Variants in PMVK observed in about 807,000 individuals in gnomAD.
PMVK encodes phosphomevalonate kinase.
A neutral mutation model predicts 19.0 loss-of-function variants in PMVK; 10 were observed. The ratio of observed to expected loss-of-function variants is 0.53; its 90% CI spans 0.32 to 0.89. The LOEUF (loss-of-function observed/expected upper bound fraction) is 0.89, where lower values mean the gene tolerates loss of function less well. Ranked by LOEUF, PMVK falls within the 40% of genes least tolerant of loss-of-function variation. The pLI is 0.03. For synonymous variants in PMVK, 108 were observed against 101.6 expected, an observed-to-expected ratio of 1.06 and a Z score of -0.38; for missense variants, 222 against 251.1, an observed-to-expected ratio of 0.88 and a Z score of 0.78.
rs1421443952 is a variant in PMVK at position 154,932,469 on chromosome 1, A to G, written c.96-54T>C. On this transcript the variant is annotated intron_variant, in intron 1 of 4. Coordinates refer to ENST00000368467, the MANE Select transcript of PMVK (RefSeq NM_006556.4). ...TAGCCTAGAATTTCCAGGAGCTTCC[A>G]TGTCCCAGAAAGGGAGTCAAGAGGC... is the stretch of plus-strand genomic sequence containing the variant. 15 of 1,332,196 alleles carry G rather than the reference A, an allele frequency of 1.1e-5. No individual in the cohort carries two copies. In the African/African-American group the frequency reaches 1.9e-4, roughly 17 times the overall value. The allele number at this position is 1,332,196 out of a possible 1,614,324, so 82.5% of individuals were successfully genotyped here. A position where few individuals can be genotyped will look rare whatever the true frequency, so the allele number is the denominator to read the frequency against.
At chr1:154,940,068 C>T (rs114272540), upstream of PMVK, among the ~76,000 whole-genome samples, 3,337 of 152,266 alleles carry the variant, frequency 0.022, 77 homozygotes, top group Non-Finnish European at 0.034. Context: ...TGAGCCACAG[C>T]GCCCAGCCAG....
At chr1:154,941,722 C>T in the PMVK span, among the ~76,000 whole-genome samples, 502 of 152,336 alleles carry the variant, frequency 3.3e-3, 2 homozygotes, top group Non-Finnish European at 5.3e-3. Flanking sequence ...AAGTGACCCA[C>T]TACCACCTAT....
rs761417670 is a variant in PMVK at position 154,926,339 on chromosome 1, CAT to C, written c.442+13_442+14del. 59 of 1,611,256 alleles carry C rather than the reference CAT, an allele frequency of 3.7e-5. No individual in the cohort carries two copies. The African/African-American group carries it at 7.5e-4, about 20-fold the overall frequency. On this transcript the variant is annotated intron_variant, in intron 4 of 4. Transcript: ENST00000368467. ...AGCCTGTGTCCTCCTGTGCCCTACA[CAT>C]AGAGTGGCTCACCTGGCGTGAACAC...
At chr1:154,939,762 C>A (rs1198141776), upstream of PMVK, among the ~76,000 whole-genome samples, 1 of 149,992 alleles carries the variant, frequency 6.7e-6, no homozygotes, top group Non-Finnish European at 1.5e-5. Context: ...ACAGCCATGG[C>A]TTGTTTCTTT....
chr1:154,930,636 C>T (rs570694590), intron 2 of PMVK, among the ~76,000 whole-genome samples: 12 of 150,554 alleles, frequency 8.0e-5, no homozygotes, highest in African/African-American at 2.9e-4. Context: ...TGCCTAGGCC[C>T]CACTAGGGAA....
At chr1:154,929,941 T>C (rs1305439684) in intron 2 of PMVK, among the ~76,000 whole-genome samples, 1 of 152,164 alleles carries the variant, frequency 6.6e-6, no homozygotes, top group Admixed American at 6.5e-5. Context: ...CCTGCTCCCC[T>C]TGCTGCAAGA....
chr1:154,933,216 C>G (rs1470639678), intron 1 of PMVK, among the ~76,000 whole-genome samples: 1 of 152,130 alleles, frequency 6.6e-6, no homozygotes, highest in East Asian at 1.9e-4. Flanking sequence ...AGCAGATCAC[C>G]TGAGGTCAGG....
intron 4 of PMVK, 82 bp downstream of exon 4, chr1:154,926,272 A>C: frequency 7.4e-7 from 1 of 1,352,064 alleles, no homozygotes; most frequent in South Asian, 1.3e-5. Context: ...TCCCTTATTC[A>C]CTTCCCCCAG....
intron 3 of PMVK, among the ~76,000 whole-genome samples, chr1:154,928,301 C>A (rs1471614739): frequency 6.6e-6 from 1 of 152,120 alleles, no homozygotes; most frequent in Non-Finnish European, 1.5e-5. Flanking sequence ...ACTTGAGGAC[C>A]AAGAAGGCCA....
At position 154,929,009 on chromosome 1, in the gene PMVK, A is replaced by G; in HGVS notation, c.312+15T>C. ...GGAAACAGGTGTTCTTCATGCTGCC[A>G]TGGAGCCCTCTTACCCAGATGGGCT... On this transcript the variant is annotated intron_variant, in intron 3 of 4. Transcript: ENST00000368467. The G allele has an allele frequency of 2.5e-6, 4 of 1,611,692 alleles. No individual in the cohort carries two copies. The highest frequency in any genetic ancestry group is 1.7e-4 in the Middle Eastern group (1 of 6,004).
At chr1:154,926,328 T>A in intron 4 of PMVK, 26 bp downstream of exon 4, 1 of 1,606,384 alleles carries the variant, frequency 6.2e-7, no homozygotes, top group East Asian at 2.2e-5. Flanking sequence ...TGTGTCCTCC[T>A]GTGCCCTACA....
chr1:154,940,643 C>G (rs1439452433), upstream of PMVK, among the ~76,000 whole-genome samples: 5 of 152,218 alleles, frequency 3.3e-5, no homozygotes, highest in African/African-American at 1.2e-4. Flanking sequence ...AAAGGCCACC[C>G]CTTTCTTCCT....
upstream of PMVK, among the ~76,000 whole-genome samples, chr1:154,940,208 C>T (rs1654613772): frequency 6.6e-6 from 1 of 152,274 alleles, no homozygotes; most frequent in Non-Finnish European, 1.5e-5. Context: ...CTAGCACTTT[C>T]CTCTCCACAG....
At chr1:154,929,568 T>C (rs552453899) in intron 2 of PMVK, among the ~76,000 whole-genome samples, 1 of 152,196 alleles carries the variant, frequency 6.6e-6, no homozygotes, top group South Asian at 2.1e-4. Flanking sequence ...AATCCTGCAC[T>C]CCATGTCCTC....
At chr1:154,935,489 T>C (rs1282029278) in intron 1 of PMVK, among the ~76,000 whole-genome samples, 2 of 152,180 alleles carry the variant, frequency 1.3e-5, no homozygotes, top group African/African-American at 4.8e-5. Context: ...GTATTATTAT[T>C]TGGGGAGGCA....
At chr1:154,937,989 TATA>T, upstream of PMVK, 1 of 152,182 alleles carries the variant, frequency 6.6e-6, no homozygotes, top group South Asian at 2.1e-4. Context: ...TTCCCAGGGT[TATA>T]ATAAGAAAGG....
At position 154,927,585 on chromosome 1, in the gene PMVK, G is replaced by T. The variant is rs75276445; in HGVS notation, c.313-1102C>A. 3.5e-3 allele frequency among the ~76,000 whole-genome samples: 525 copies of T among 151,296 alleles called. 3 individuals carry two copies. Among genetic ancestry groups the T allele is most frequent in the Admixed American group, 9.0e-3 (136 of 15,132 alleles). ...TCAGATCATGTCTCTCCTCTGCTTAGAACGCTGTAGTGACTCCCCATCTCA... is the reference window on the plus strand; with the variant it reads ...TCAGATCATGTCTCTCCTCTGCTTATAACGCTGTAGTGACTCCCCATCTCA... On this transcript the variant is annotated intron_variant, in intron 3 of 4. Transcript: ENST00000368467.
At chr1:154,927,303 T>C (rs761544027) in intron 3 of PMVK, among the ~76,000 whole-genome samples, 5 of 151,518 alleles carry the variant, frequency 3.3e-5, no homozygotes, top group Non-Finnish European at 5.9e-5. Flanking sequence ...AAAAAATTAG[T>C]TGGGCATGAT....
chr1:154,933,326 G>A (rs529141859), intron 1 of PMVK, among the ~76,000 whole-genome samples: 11 of 151,376 alleles, frequency 7.3e-5, no homozygotes, highest in East Asian at 2.0e-4. Flanking sequence ...CCAGCTACTC[G>A]GGAGGCTGAG....
Sources: gnomAD v4.1 joint callset for allele counts (sites outside exome capture counted in the v4.1 genomes callset) on GRCh38, gnomAD v4.1.1 for gene constraint, MANE v1.5 for transcripts, NCBI Gene and HGNC (gene_info 2026-07-23, HGNC 2026-07-21) for gene names.